The following FBLIM1 variants were observed in gnomAD, a reference collection of about 807,000 sequenced individuals.
The protein encoded by FBLIM1 is filamin binding LIM protein 1, also known as filamin-binding LIM protein 1.
Under a neutral mutation model 37.4 loss-of-function variants are expected in FBLIM1, and 29 were observed. That is an observed-to-expected ratio of 0.77 (90% confidence interval 0.58 to 1.06). FBLIM1 has a LOEUF of 1.06. Among genes scored for constraint, FBLIM1 ranks in the 50% least tolerant of loss-of-function variants. The pLI, the probability that FBLIM1 is intolerant of heterozygous loss-of-function variation, is 0.00. For synonymous variants in FBLIM1, 193 were observed against 199.0 expected (o/e 0.97, Z 0.25); for missense variants, 449 against 505.6 (o/e 0.89, Z 1.07).
chr1:15,773,449 C>T (rs2069322329), intron 6 of FBLIM1, among the ~76,000 whole-genome samples: 1 of 150,750 alleles, frequency 6.6e-6, no homozygotes, highest in Non-Finnish European at 1.5e-5. Context: ...GAGGCTGAGG[C>T]AGGCAGATCA....
intron 1 of FBLIM1, among the ~76,000 whole-genome samples, chr1:15,763,196 A>G (rs996035144): frequency 4.6e-5 from 7 of 151,672 alleles, no homozygotes; most frequent in African/African-American, 1.7e-4. Flanking sequence ...CAGCCTCCCA[A>G]GTAGCTGGGA....
intron 1 of FBLIM1, among the ~76,000 whole-genome samples, chr1:15,760,223 A>G (rs1320782088): frequency 6.7e-6 from 1 of 149,760 alleles, no homozygotes; most frequent in Non-Finnish European, 1.5e-5. Flanking sequence ...CTGTCTCAAA[A>G]TAAATAAATA....
chr1:15,773,664 A>G (rs918687361), intron 6 of FBLIM1, among the ~76,000 whole-genome samples: 4 of 142,106 alleles, frequency 2.8e-5, no homozygotes, highest in African/African-American at 1.0e-4. Context: ...GATTGACAAG[A>G]GCAAAACTCC....
At chr1:15,773,382 C>CA (rs899132687) in intron 6 of FBLIM1, among the ~76,000 whole-genome samples, 2 of 149,210 alleles carry the variant, frequency 1.3e-5, no homozygotes, top group Admixed American at 6.7e-5. Flanking sequence ...GACTCCATCT[C>CA]AAAAAAAAGA....
chr1:15,767,048 C>G (rs973387254), intron 3 of FBLIM1, among the ~76,000 whole-genome samples: 1 of 151,936 alleles, frequency 6.6e-6, no homozygotes. Flanking sequence ...TGCTGCCATG[C>G]CTGGCTACAT....
intron 1 of FBLIM1, among the ~76,000 whole-genome samples, chr1:15,760,436 A>G (rs1006647921): frequency 4.6e-5 from 7 of 150,946 alleles, no homozygotes; most frequent in African/African-American, 1.7e-4. Context: ...AGGCTGAGGC[A>G]GGACAATCGC....
chr1:15,771,649 A>T (rs2069219644), intron 6 of FBLIM1, among the ~76,000 whole-genome samples: 1 of 152,010 alleles, frequency 6.6e-6, no homozygotes, highest in African/African-American at 2.4e-5. Flanking sequence ...CCTCTGTGTC[A>T]AGTTACAGGG....
Position 15,765,312 on chromosome 1 carries a change from ATTC to A in FBLIM1, c.250+80_250+82del. The A allele has an allele frequency of 6.7e-7, 1 of 1,495,756 alleles. No individual in the cohort carries two copies. Among genetic ancestry groups the A allele is most frequent in the Non-Finnish European group, 9.0e-7 (1 of 1,116,698 alleles). 92.7% of individuals were successfully genotyped at this position (1,495,756 alleles called of 1,614,324 possible). On this transcript the variant is annotated intron_variant, in intron 3 of 8. Coordinates refer to ENST00000375766, the MANE Select transcript of FBLIM1 (RefSeq NM_017556.4). The surrounding 1 kb of genome is among the most constrained non-coding windows in gnomAD (Gnocchi z 5.9). ...GAAAGGGCAGGCTCCAGCGTCATTC[ATTC>A]ATTCATTATTCATCCTGACAAAATT...
Position 15,784,674 on chromosome 1 carries a change from G to A in FBLIM1, c.*13G>A, listed in dbSNP as rs1457077311. Reference sequence around the variant, plus strand: ...GGGGTGCTGCTGAGAGTGCCCGCTGGGCAGTGAACAGACCACTAGCCCCGG... The same window carrying A: ...GGGGTGCTGCTGAGAGTGCCCGCTGAGCAGTGAACAGACCACTAGCCCCGG... On this transcript the variant is annotated 3_prime_UTR_variant, in exon 9 of 9. Coordinates refer to ENST00000375766, the MANE Select transcript of FBLIM1 (RefSeq NM_017556.4). 4.3e-6 allele frequency: 7 copies of A among 1,611,706 alleles called. No homozygotes were observed. Among genetic ancestry groups the A allele is most frequent in the Non-Finnish European group, 5.1e-6 (6 of 1,178,128 alleles).
chr1:15,771,027 C>A (rs1313423814), intron 6 of FBLIM1, among the ~76,000 whole-genome samples: 1 of 152,068 alleles, frequency 6.6e-6, no homozygotes, highest in Admixed American at 6.6e-5. Flanking sequence ...GCAACCTCGG[C>A]CACCCAGGTT....
At chr1:15,769,761 T>A (rs7368383) in intron 5 of FBLIM1, among the ~76,000 whole-genome samples, 1 of 151,384 alleles carries the variant, frequency 6.6e-6, no homozygotes, top group Non-Finnish European at 1.5e-5. Flanking sequence ...CTCAGTCTCC[T>A]GAGTACTGGG....
chr1:15,779,974 G>GCTACAAAA (rs1395338094), intron 8 of FBLIM1, among the ~76,000 whole-genome samples: 1 of 152,018 alleles, frequency 6.6e-6, no homozygotes, highest in Non-Finnish European at 1.5e-5. Flanking sequence ...CGAACTTTTG[G>GCTACAAAA]GCTCAAGCAG....
At chr1:15,760,649 C>A (rs1358695644) in intron 1 of FBLIM1, among the ~76,000 whole-genome samples, 3 of 151,912 alleles carry the variant, frequency 2.0e-5, no homozygotes, top group Non-Finnish European at 4.4e-5. Flanking sequence ...GTGACCCCCC[C>A]TGAGCTGCAC....
At chr1:15,762,860 C>T (rs1463309360) in intron 1 of FBLIM1, among the ~76,000 whole-genome samples, 4 of 152,110 alleles carry the variant, frequency 2.6e-5, no homozygotes, top group African/African-American at 9.7e-5. Context: ...GGCCAGGAAT[C>T]GGGGGGTGCC....
Position 15,765,174 on chromosome 1 carries a change from C to T in FBLIM1, c.191C>T (p.Thr64Ile). Reference sequence around the variant, plus strand: ...TTGGCGGGGAGGCCCAGCCCCTGGACAACCCCTGGCAGAGCTGCAGCCACA... The same window carrying T: ...TTGGCGGGGAGGCCCAGCCCCTGGATAACCCCTGGCAGAGCTGCAGCCACA... The part of the protein sequence containing the change: ...AGLAGRPSPW[T>I]TPGRAAATVP... The change falls in exon 3 of 9, where the codon ACA becomes ATA. Residue 64 changes from threonine to isoleucine, a missense_variant. Physicochemically the swap from Thr to Ile is moderately conservative, Grantham distance 89 (BLOSUM62 -1). Coordinates refer to ENST00000375766, the MANE Select transcript of FBLIM1 (RefSeq NM_017556.4). This position sits in a 1 kb window ranked among gnomAD's most constrained non-coding sequence, Gnocchi z 5.9. 1 of 1,613,806 alleles carries T rather than the reference C, an allele frequency of 6.2e-7. No homozygotes were observed. The highest frequency in any genetic ancestry group is 1.1e-5 in the South Asian group (1 of 91,056).
Position 15,758,825 on chromosome 1 carries a change from G to T in FBLIM1, c.-234G>T, listed in dbSNP as rs2068519799. The T allele has an allele frequency of 7.0e-6, 1 of 143,000 alleles. No homozygotes were observed. The highest frequency in any genetic ancestry group is 1.5e-5 in the Non-Finnish European group (1 of 65,336). 8.9% of individuals were successfully genotyped at this position (143,000 alleles called of 1,614,324 possible). On this transcript the variant is annotated 5_prime_UTR_variant, in exon 1 of 9. Coordinates refer to ENST00000375766, the MANE Select transcript of FBLIM1 (RefSeq NM_017556.4). This position sits in a 1 kb window ranked among gnomAD's most constrained non-coding sequence, Gnocchi z 6.2. ...CCGCTGGCTCGGGCGTCGGATCGGA[G>T]CCGCCGGGGCGCGGGCGGCCCAGGT...
chr1:15,784,931 G>C lies in FBLIM1; in HGVS notation c.*270G>C. The stretch of plus-strand genomic sequence containing the variant: ...CCTGCCCCACTTCCAGGGAAAAGCT[G>C]GGGGAGGTTGGACCCCTCTCACTGA... On this transcript the variant is annotated 3_prime_UTR_variant, in exon 9 of 9. Coordinates refer to ENST00000375766, the MANE Select transcript of FBLIM1 (RefSeq NM_017556.4). 1 of 353,538 alleles carries C rather than the reference G, an allele frequency of 2.8e-6. No homozygotes were observed. Among genetic ancestry groups the C allele is most frequent in the Non-Finnish European group, 5.2e-6 (1 of 190,978 alleles). The allele number at this position is 353,538 out of a possible 1,614,324, so 21.9% of individuals were successfully genotyped here. A position where few individuals can be genotyped will look rare whatever the true frequency, so the allele number is the denominator to read the frequency against.
In FBLIM1 at chr1:15,777,217, G is replaced by A. The variant is rs1346287416; in HGVS notation, c.938G>A (p.Arg313Gln). 1.6e-5 allele frequency: 25 copies of A among 1,612,818 alleles called. No homozygotes were observed. The highest frequency in any genetic ancestry group is 1.6e-4 in the Middle Eastern group (1 of 6,074). ...ATCTGTGAAAATCCCATCATCCCTC[G>A]GGATGGGAAAGATGCCTTCAAAATC... is the stretch of plus-strand genomic sequence containing the variant. ...CSICENPIIP[R>Q]DGKDAFKIEC... The change falls in exon 8 of 9, where the codon CGG becomes CAG. Residue 313 changes from arginine (R) to glutamine (Q), a missense_variant. Coordinates refer to ENST00000375766, the MANE Select transcript of FBLIM1 (RefSeq NM_017556.4).
At chr1:15,772,863 A>G (rs544270403) in intron 6 of FBLIM1, among the ~76,000 whole-genome samples, 2 of 152,134 alleles carry the variant, frequency 1.3e-5, no homozygotes, top group South Asian at 4.1e-4. Context: ...CCACAATAAC[A>G]TGCGTGCACT....
Sources: allele counts gnomAD v4.1 joint callset (sites outside exome capture counted in the v4.1 genomes callset), GRCh38; gene constraint gnomAD v4.1.1; non-coding constraint Gnocchi (gnomAD v3.1); transcripts MANE v1.5; gene names NCBI Gene and HGNC (gene_info 2026-07-23, HGNC 2026-07-21).